TAFA5: variants seen among roughly 807,000 people sequenced by gnomAD.
TAFA5 encodes the protein chemokine-like protein TAFA-5.
A neutral mutation model predicts 15.3 loss-of-function variants in TAFA5; 6 were observed. The ratio of observed to expected loss-of-function variants is 0.39; its 90% confidence interval spans 0.21 to 0.77. TAFA5 has a LOEUF of 0.77. TAFA5 is among the 30% of genes least tolerant of loss of function. The probability of loss-of-function intolerance (pLI) is 0.41; values close to 1 mark genes in which losing one functional copy is unlikely to be tolerated. For synonymous variants in TAFA5, 103 were observed against 80.7 expected, an observed-to-expected ratio of 1.28 and a Z score of -1.48; for missense variants, 161 against 193.1, an observed-to-expected ratio of 0.83 and a Z score of 0.98.
intron 1 of TAFA5, among the ~76,000 whole-genome samples, chr22:48,515,361 CG>C (rs1442976672): frequency 2.0e-5 from 3 of 152,226 alleles, no homozygotes; most frequent in African/African-American, 7.2e-5. Context: ...TGCAGGCAGG[CG>C]GATCACCTGA....
At chr22:48,594,348 T>C (rs994439414) in intron 1 of TAFA5, among the ~76,000 whole-genome samples, 12 of 152,180 alleles carry the variant, frequency 7.9e-5, no homozygotes, top group Admixed American at 2.6e-4. Context: ...GGTGCACGCA[T>C]GTAGGGGAAG....
intron 1 of TAFA5, among the ~76,000 whole-genome samples, chr22:48,532,023 G>A (rs1348195074): frequency 6.6e-6 from 1 of 152,212 alleles, no homozygotes; most frequent in African/African-American, 2.4e-5. Context: ...TGCACAGCTG[G>A]TCACTGTGCA....
chr22:48,505,212 A>G (rs1920982159), intron 1 of TAFA5, among the ~76,000 whole-genome samples: 1 of 152,054 alleles, frequency 6.6e-6, no homozygotes, highest in African/African-American at 2.4e-5. Context: ...TCACGACTCC[A>G]TCTCCGTGAC....
chr22:48,492,614 C>CA (rs1928194802), intron 1 of TAFA5, among the ~76,000 whole-genome samples: 1 of 152,162 alleles, frequency 6.6e-6, no homozygotes, highest in Admixed American at 6.5e-5. Context: ...GCTATAGTGA[C>CA]ACAGCCTTGT....
chr22:48,653,914 T>C (rs914622756), intron 2 of TAFA5, among the ~76,000 whole-genome samples: 38 of 152,024 alleles, frequency 2.5e-4, no homozygotes, highest in African/African-American at 8.4e-4. Context: ...ATTTTTGAGG[T>C]GCTGTGGGGA....
Position 48,599,916 on chromosome 22 carries a change from A to G in TAFA5, c.113-46681A>G, listed in dbSNP as rs538960723. On this transcript the variant is annotated intron_variant, in intron 1 of 3. Transcript: ENST00000402357. Reference sequence around the variant, plus strand: ...GAGGGGAGCTGTCTTGGCCTAGAACACAGGCTGGGGGCCGCTGGTCCAGCA... The same window carrying G: ...GAGGGGAGCTGTCTTGGCCTAGAACGCAGGCTGGGGGCCGCTGGTCCAGCA... Among the ~76,000 whole-genome samples the G allele has an allele frequency of 2.6e-5, 4 of 152,250 alleles. No individual in the cohort carries two copies. In the South Asian group the frequency reaches 8.3e-4, roughly 32 times the overall value.
At chr22:48,526,693 G>A (rs181068416) in intron 1 of TAFA5, among the ~76,000 whole-genome samples, 274 of 152,324 alleles carry the variant, frequency 1.8e-3, no homozygotes, top group South Asian at 4.4e-3. Context: ...TATGTATCTC[G>A]GAGTTTTCAT....
chr22:48,641,536 A>G (rs552899184), intron 1 of TAFA5, among the ~76,000 whole-genome samples: 33 of 129,014 alleles, frequency 2.6e-4, no homozygotes, highest in African/African-American at 9.3e-4. Flanking sequence ...TCCCCACTGC[A>G]CTCCCTCCCC....
chr22:48,577,792 C>T (rs1923872864), intron 1 of TAFA5, among the ~76,000 whole-genome samples: 1 of 152,182 alleles, frequency 6.6e-6, no homozygotes, highest in South Asian at 2.1e-4. Flanking sequence ...GGAGAGTAGG[C>T]TACCCCAGGA....
At chr22:48,571,270 G>GTTTTTTT (rs1658824577) in intron 1 of TAFA5, among the ~76,000 whole-genome samples, 1 of 115,864 alleles carries the variant, frequency 8.6e-6, no homozygotes. Context: ...GTTGTTGTTT[G>GTTTTTTT]CTTTTTTTTT....
chr22:48,662,660 G>GC lies in TAFA5; in HGVS notation c.262+15915dup, dbSNP rs571006864. On this transcript the variant is annotated intron_variant, in intron 2 of 3. Coordinates refer to ENST00000402357, the MANE Select transcript of TAFA5 (RefSeq NM_001082967.3). ...CCCCGGCTGGTGCGAGCTCACCGGA[G>GC]CAGGTGTCCAGCAGGCACGGAGTGA... Among the ~76,000 whole-genome samples the GC allele has an allele frequency of 2.8e-4, 43 of 152,352 alleles. 1 individual carries two copies. The highest frequency in any genetic ancestry group is 2.7e-3 in the Admixed American group (41 of 15,312).
chr22:48,642,269 C>T (rs1926710432), intron 1 of TAFA5, among the ~76,000 whole-genome samples: 1 of 152,194 alleles, frequency 6.6e-6, no homozygotes, highest in Non-Finnish European at 1.5e-5. Context: ...CCCAGAACCT[C>T]CCAAATGGCC....
chr22:48,649,426 A>G (rs1241525290), intron 2 of TAFA5, among the ~76,000 whole-genome samples: 1 of 152,212 alleles, frequency 6.6e-6, no homozygotes, highest in African/African-American at 2.4e-5. Context: ...GAGGGGAGCC[A>G]TCAGAGGCTT....
At chr22:48,684,069 A>G (rs910308971) in intron 2 of TAFA5, among the ~76,000 whole-genome samples, 1 of 152,196 alleles carries the variant, frequency 6.6e-6, no homozygotes, top group African/African-American at 2.4e-5. Flanking sequence ...AAAACTGACC[A>G]GTGCAATCAG....
intron 2 of TAFA5, among the ~76,000 whole-genome samples, chr22:48,652,850 G>A (rs1927104303): frequency 6.6e-6 from 1 of 151,900 alleles, no homozygotes; most frequent in African/African-American, 2.4e-5. Flanking sequence ...GCTTCCTTCT[G>A]GGGGCTCAGG....
chr22:48,555,111 C>T (rs1172515588), intron 1 of TAFA5, among the ~76,000 whole-genome samples: 2 of 152,226 alleles, frequency 1.3e-5, no homozygotes, highest in Non-Finnish European at 2.9e-5. Flanking sequence ...ACACCTGTCC[C>T]TGCCCCACCC....
intron 1 of TAFA5, among the ~76,000 whole-genome samples, chr22:48,543,041 C>G (rs1031719938): frequency 6.6e-6 from 1 of 151,756 alleles, no homozygotes; most frequent in Non-Finnish European, 1.5e-5. Context: ...AGTGGGACCC[C>G]GATCTGGCAG....
intron 3 of TAFA5, among the ~76,000 whole-genome samples, chr22:48,714,163 G>A (rs999890499): frequency 3.3e-5 from 5 of 152,330 alleles, no homozygotes; most frequent in South Asian, 2.1e-4. Flanking sequence ...GACAGCAGAC[G>A]CTTTTGCACC....
chr22:48,712,580 C>T (rs1407089118), intron 3 of TAFA5, among the ~76,000 whole-genome samples: 10 of 152,224 alleles, frequency 6.6e-5, no homozygotes, highest in Admixed American at 2.0e-4. Context: ...GCTGGAAATC[C>T]GCATCCTGTG....
Sources: gnomAD v4.1 joint callset for allele counts (sites outside exome capture counted in the v4.1 genomes callset) on GRCh38, gnomAD v4.1.1 for gene constraint, MANE v1.5 for transcripts, NCBI Gene and HGNC (gene_info 2026-07-23, HGNC 2026-07-21) for gene names.